BBS9: variants seen among roughly 807,000 people sequenced by gnomAD.
BBS9 encodes protein PTHB1.
A neutral mutation model predicts 117.7 loss-of-function variants in BBS9; 89 were observed. The ratio of observed to expected loss-of-function variants is 0.76; its 90% CI spans 0.64 to 0.90. The LOEUF is 0.90. Ranked by LOEUF, BBS9 falls within the 40% of genes least tolerant of loss-of-function variation. BBS9 has a pLI of 0.00. For synonymous variants in BBS9, 379 were observed against 370.9 expected, an observed-to-expected ratio of 1.02 and a Z score of -0.25; for missense variants, 982 against 1,042.2, an observed-to-expected ratio of 0.94 and a Z score of 0.80.
At chr7:33,363,322 C>T (rs1380307745) in intron 16 of BBS9, among the ~76,000 whole-genome samples, 1 of 152,114 alleles carries the variant, frequency 6.6e-6, no homozygotes, top group Non-Finnish European at 1.5e-5. Flanking sequence ...AGGGTGGTCT[C>T]GAACTCCTGA....
At chr7:33,181,505 C>T (rs533911102) in intron 5 of BBS9, among the ~76,000 whole-genome samples, 1 of 152,270 alleles carries the variant, frequency 6.6e-6, no homozygotes, top group South Asian at 2.1e-4. Flanking sequence ...TTAATAAAAC[C>T]TTATAGACAA....
intron 21 of BBS9, among the ~76,000 whole-genome samples, chr7:33,558,646 C>T (rs1190797807): frequency 6.6e-6 from 1 of 151,822 alleles, no homozygotes; most frequent in Admixed American, 6.6e-5. Flanking sequence ...TCTCTTAGAC[C>T]AAATGAAAGG....
intron 21 of BBS9, among the ~76,000 whole-genome samples, chr7:33,614,313 C>T (rs190017223): frequency 1.9e-3 from 283 of 152,186 alleles, no homozygotes; most frequent in Non-Finnish European, 3.2e-3. Context: ...CATGACTTTA[C>T]AGGTGAATCC....
chr7:33,132,602 A>G (rs1789799784), intron 1 of BBS9, among the ~76,000 whole-genome samples: 1 of 152,168 alleles, frequency 6.6e-6, no homozygotes, highest in African/African-American at 2.4e-5. Flanking sequence ...TACATATTTT[A>G]TTTTTTGTTA....
At chr7:33,615,723 A>G (rs1165220474) in intron 21 of BBS9, among the ~76,000 whole-genome samples, 1 of 152,108 alleles carries the variant, frequency 6.6e-6, no homozygotes, top group African/African-American at 2.4e-5. Flanking sequence ...AAGATCGGAG[A>G]ACATCAAAGT....
intron 12 of BBS9, among the ~76,000 whole-genome samples, chr7:33,345,016 G>A (rs1817329813): frequency 6.6e-6 from 1 of 152,156 alleles, no homozygotes; most frequent in African/African-American, 2.4e-5. Flanking sequence ...ACTGTGAATT[G>A]ATATTGGAGA....
chr7:33,533,808 G>A, intron 20 of BBS9, 146 bp from the exon 21 acceptor site: 1 of 962,952 alleles, frequency 1.0e-6, no homozygotes, highest in East Asian at 2.5e-5. Context: ...TTCCAAACCA[G>A]CCTAGTCTGG....
intron 1 of BBS9, among the ~76,000 whole-genome samples, chr7:33,136,877 T>C (rs1003640209): frequency 6.6e-6 from 1 of 152,140 alleles, no homozygotes; most frequent in Admixed American, 6.5e-5. Context: ...TTTGGAGTGG[T>C]TTTTGAAGAA....
chr7:33,496,879 T>C (rs1385314444), intron 19 of BBS9, among the ~76,000 whole-genome samples: 2 of 152,242 alleles, frequency 1.3e-5, no homozygotes, highest in Admixed American at 6.5e-5. Flanking sequence ...TTGTTTTTGG[T>C]AAAAGAACAA....
chr7:33,344,136 C>T (rs1338338192), intron 11 of BBS9, among the ~76,000 whole-genome samples: 7 of 121,050 alleles, frequency 5.8e-5, no homozygotes, highest in Non-Finnish European at 9.5e-5. Context: ...GGCTGGAGTG[C>T]AGTGGCGTGA....
intron 21 of BBS9, among the ~76,000 whole-genome samples, chr7:33,584,954 A>G (rs529151936): frequency 8.5e-4 from 129 of 152,208 alleles, no homozygotes; most frequent in African/African-American, 3.1e-3. Context: ...TTTATCCTCT[A>G]TGAGCTCCTT....
intron 4 of BBS9, among the ~76,000 whole-genome samples, chr7:33,168,724 T>C (rs927732429): frequency 1.3e-5 from 2 of 152,190 alleles, no homozygotes; most frequent in African/African-American, 4.8e-5. Flanking sequence ...TTGAAACCTA[T>C]AAGAAACCTC....
intron 9 of BBS9, among the ~76,000 whole-genome samples, chr7:33,300,501 T>C (rs865983824): frequency 1.3e-5 from 2 of 152,326 alleles, no homozygotes; most frequent in Middle Eastern, 3.4e-3. Flanking sequence ...TTAATTTTAA[T>C]TTTGTCTTCT....
At chr7:33,424,592 G>A (rs1260468881) in intron 19 of BBS9, among the ~76,000 whole-genome samples, 4 of 152,166 alleles carry the variant, frequency 2.6e-5, no homozygotes, top group African/African-American at 7.2e-5. Flanking sequence ...AAAAGTTCCT[G>A]TTACCAGAAA....
chr7:33,312,828 C>T (rs1035314029), intron 9 of BBS9, among the ~76,000 whole-genome samples: 2 of 152,198 alleles, frequency 1.3e-5, no homozygotes, highest in African/African-American at 4.8e-5. Flanking sequence ...TTTGAATGTA[C>T]TACATTTATT....
At position 33,317,479 on chromosome 7, in the gene BBS9, T is replaced by C. The variant is rs140977795; in HGVS notation, c.1017-18962T>C. On this transcript the variant is annotated intron_variant, in intron 9 of 22. Coordinates refer to ENST00000242067, the MANE Select transcript of BBS9 (RefSeq NM_198428.3). ...CTTTTTTTTTAACAATATTAAGTCT[T>C]TAAGGGTGTATCTTTTTAAAGCATA... Among the ~76,000 whole-genome samples, 1,275 of 152,174 alleles carry C rather than the reference T, an allele frequency of 8.4e-3. 14 individuals are homozygous for C. The highest frequency in any genetic ancestry group is 0.029 in the African/African-American group (1,219 of 41,502).
chr7:33,369,133 C>T (rs527244713), intron 17 of BBS9, among the ~76,000 whole-genome samples: 16 of 152,204 alleles, frequency 1.1e-4, no homozygotes, highest in Middle Eastern at 6.8e-3. Context: ...CACCATTTTG[C>T]TTTGATTAGC....
exon 22 of BBS9, among the ~76,000 whole-genome samples, chr7:33,635,417 C>T (rs939368077): frequency 3.3e-5 from 5 of 152,164 alleles, no homozygotes; most frequent in African/African-American, 1.2e-4. Context: ...CCGTACTGAG[C>T]CAAGGGGGTG....
chr7:33,271,776 C>T (rs1471008962), intron 7 of BBS9, among the ~76,000 whole-genome samples: 1 of 152,136 alleles, frequency 6.6e-6, no homozygotes, highest in Non-Finnish European at 1.5e-5. Context: ...TTCAACACCC[C>T]ACTGACCCTA....
Sources: allele counts gnomAD v4.1 joint callset (sites outside exome capture counted in the v4.1 genomes callset), GRCh38; gene constraint gnomAD v4.1.1; transcripts MANE v1.5; gene names NCBI Gene and HGNC (gene_info 2026-07-23, HGNC 2026-07-21).